Variants in TSHZ2 observed in about 807,000 individuals in gnomAD.
The protein encoded by TSHZ2 is teashirt zinc finger homeobox 2, also known as teashirt homolog 2.
In TSHZ2, 21 loss-of-function variants were observed where a neutral mutation model predicts 74.4. The ratio of observed to expected loss-of-function variants is 0.28; its 90% CI spans 0.20 to 0.41. The LOEUF (loss-of-function observed/expected upper bound fraction) is 0.41. Ranked by LOEUF, TSHZ2 falls within the 10% of genes least tolerant of loss-of-function variation. The pLI is 1.00. For missense variants in TSHZ2, 1,244 were observed against 1,293.5 expected (o/e 0.96, Z 0.59); for synonymous variants, 540 against 515.3 (o/e 1.05, Z -0.65).
rs1290569892 is a variant in TSHZ2 at position 53,038,905 on chromosome 20, TTTG to T, written c.40+65575_40+65577del. Among the ~76,000 whole-genome samples, 47 of 145,812 alleles carry T rather than the reference TTTG, an allele frequency of 3.2e-4. No individual in the cohort carries two copies. The South Asian group carries it at 8.7e-3, about 27-fold the overall frequency. ...TTTGTTTTGTTTGTTTGTTTGTTTG[TTTG>T]TTTTTGAGATGGAGTTTCACTCTTG... On this transcript the variant is annotated intron_variant, in intron 1 of 2. Coordinates refer to ENST00000371497, the MANE Select transcript of TSHZ2 (RefSeq NM_173485.6).
chr20:53,198,765 CG>C (rs1347430699), intron 1 of TSHZ2, among the ~76,000 whole-genome samples: 1 of 152,106 alleles, frequency 6.6e-6, no homozygotes, highest in Admixed American at 6.6e-5. Context: ...TGGCTTATTC[CG>C]ACTTGGGATT....
chr20:53,224,405 G>A (rs542155880), intron 1 of TSHZ2, among the ~76,000 whole-genome samples: 6 of 152,328 alleles, frequency 3.9e-5, no homozygotes, highest in Non-Finnish European at 7.3e-5. Context: ...TATCTGGGTG[G>A]TTTTGGGCAA....
Position 53,244,056 on chromosome 20 carries a change from A to G in TSHZ2, c.41-9443A>G, listed in dbSNP as rs536604088. Among the ~76,000 whole-genome samples the G allele has an allele frequency of 2.0e-5, 3 of 152,318 alleles. No homozygotes were observed. The South Asian group carries it at 6.2e-4, about 32-fold the overall frequency. ...TTGACTTCAAGCCAGGCAAAAAGGA[A>G]ACAAGATCACCTTCTAGCTCTGTGG... On this transcript the variant is annotated intron_variant, in intron 1 of 2. Transcript: ENST00000371497.
chr20:53,163,557 T>A (rs1048130851), intron 1 of TSHZ2, among the ~76,000 whole-genome samples: 19 of 151,976 alleles, frequency 1.3e-4, no homozygotes, highest in African/African-American at 4.4e-4. Flanking sequence ...CACCCACTAA[T>A]GTGTCATCTA....
chr20:53,446,407 C>T (rs1031418681), intron 2 of TSHZ2, among the ~76,000 whole-genome samples: 1 of 127,484 alleles, frequency 7.8e-6, no homozygotes, highest in Non-Finnish European at 1.7e-5. Flanking sequence ...ACTAAAAATA[C>T]AAAAAAAAAA....
At chr20:53,192,767 G>T (rs914590184) in intron 1 of TSHZ2, among the ~76,000 whole-genome samples, 2 of 152,098 alleles carry the variant, frequency 1.3e-5, no homozygotes, top group East Asian at 3.8e-4. Flanking sequence ...AGAAAACCTG[G>T]GTCTTTCTCC....
intron 1 of TSHZ2, among the ~76,000 whole-genome samples, chr20:52,981,869 AT>A (rs1263662028): frequency 7.9e-5 from 12 of 152,206 alleles, no homozygotes; most frequent in Admixed American, 2.6e-4. Flanking sequence ...CACGGCAGTT[AT>A]TTCTTGAGTT....
intron 1 of TSHZ2, among the ~76,000 whole-genome samples, chr20:53,167,591 G>A (rs994145614): frequency 1.3e-5 from 2 of 152,136 alleles, no homozygotes; most frequent in African/African-American, 4.8e-5. Context: ...GTGTTTGTGT[G>A]TGTGTATGTG....
chr20:53,454,903 G>A (rs1984989933), intron 2 of TSHZ2, among the ~76,000 whole-genome samples: 1 of 152,170 alleles, frequency 6.6e-6, no homozygotes, highest in Non-Finnish European at 1.5e-5. Context: ...CAATGAGACA[G>A]AAGACCTCTC....
chr20:53,244,435 G>C (rs1013421039), intron 1 of TSHZ2, among the ~76,000 whole-genome samples: 1 of 152,100 alleles, frequency 6.6e-6, no homozygotes, highest in Non-Finnish European at 1.5e-5. Flanking sequence ...TTTCTCCTCT[G>C]TTCCTGATTT....
At chr20:53,031,967 AAGAG>A (rs887148180) in intron 1 of TSHZ2, among the ~76,000 whole-genome samples, 1 of 152,140 alleles carries the variant, frequency 6.6e-6, no homozygotes, top group African/African-American at 2.4e-5. Flanking sequence ...GGAAGATAGG[AAGAG>A]AGAAAGAAAG....
At chr20:53,093,711 C>G (rs1392399719) in intron 1 of TSHZ2, among the ~76,000 whole-genome samples, 1 of 152,214 alleles carries the variant, frequency 6.6e-6, no homozygotes, top group Non-Finnish European at 1.5e-5. Context: ...CAGCAAAATT[C>G]ATCAAGAACC....
Position 53,223,928 on chromosome 20 carries a change from CACA to C in TSHZ2, c.41-29570_41-29568del, listed in dbSNP as rs1568821362. 3.8e-4 allele frequency among the ~76,000 whole-genome samples: 57 copies of C among 150,504 alleles called. 1 individual carries two copies. The highest frequency in any genetic ancestry group is 1.4e-3 in the African/African-American group (57 of 41,210). ...ACACACACACACACACACACACACA[CACA>C]CCCCTAAGTTTAGGTAAAACTGGTG... On this transcript the variant is annotated intron_variant, in intron 1 of 2. Coordinates refer to ENST00000371497, the MANE Select transcript of TSHZ2 (RefSeq NM_173485.6).
At chr20:53,435,167 G>C (rs2145741113) in intron 2 of TSHZ2, among the ~76,000 whole-genome samples, 1 of 152,308 alleles carries the variant, frequency 6.6e-6, no homozygotes, top group African/African-American at 2.4e-5. Context: ...ATTTAGATAA[G>C]GAACAATTTT....
intron 2 of TSHZ2, among the ~76,000 whole-genome samples, chr20:53,474,574 C>A (rs993569203): frequency 7.7e-6 from 1 of 130,496 alleles, no homozygotes; most frequent in Admixed American, 8.1e-5. Context: ...TAAAGACCAT[C>A]CAGACTAGGA....
At chr20:53,314,124 C>T (rs1439769944) in intron 2 of TSHZ2, among the ~76,000 whole-genome samples, 1 of 151,922 alleles carries the variant, frequency 6.6e-6, no homozygotes, top group African/African-American at 2.4e-5. Flanking sequence ...CCCATCTCTA[C>T]TAAAAATACA....
At chr20:53,195,202 G>A (rs1257909360) in intron 1 of TSHZ2, among the ~76,000 whole-genome samples, 3 of 152,164 alleles carry the variant, frequency 2.0e-5, no homozygotes, top group African/African-American at 4.8e-5. Context: ...GGCATTGAAT[G>A]AATGGGCGTG....
At chr20:53,014,350 G>T (rs1002983125) in intron 1 of TSHZ2, among the ~76,000 whole-genome samples, 1 of 152,092 alleles carries the variant, frequency 6.6e-6, no homozygotes, top group African/African-American at 2.4e-5. Flanking sequence ...TGAGGGTCTG[G>T]GCTTTAACAC....
At chr20:53,158,051 T>G (rs1451533267) in intron 1 of TSHZ2, among the ~76,000 whole-genome samples, 2 of 152,168 alleles carry the variant, frequency 1.3e-5, no homozygotes, top group African/African-American at 4.8e-5. Context: ...AGATCTCATT[T>G]GAGGAGGCGA....
Sources: gnomAD v4.1 joint callset for allele counts (sites outside exome capture counted in the v4.1 genomes callset) on GRCh38, gnomAD v4.1.1 for gene constraint, MANE v1.5 for transcripts, NCBI Gene and HGNC (gene_info 2026-07-23, HGNC 2026-07-21) for gene names.